LRIG1: variants seen among roughly 807,000 people sequenced by gnomAD.
LRIG1 encodes the protein leucine-rich repeats and immunoglobulin-like domains protein 1.
In LRIG1, 48 loss-of-function variants were observed where a neutral mutation model predicts 99.2. The observed-to-expected ratio is 0.48, with a 90% CI of 0.38 to 0.62. The LOEUF (loss-of-function observed/expected upper bound fraction) is 0.62. Among genes scored for constraint, LRIG1 ranks in the 20% least tolerant of loss-of-function variants. LRIG1 has a pLI of 0.00. For synonymous variants in LRIG1, 772 were observed against 596.1 expected (o/e 1.29, Z -4.30); for missense variants, 1,646 against 1,434.4 (o/e 1.15, Z -2.38).
intron 1 of LRIG1, among the ~76,000 whole-genome samples, chr3:66,496,869 T>C (rs957977698): frequency 6.6e-6 from 1 of 152,250 alleles, no homozygotes; most frequent in Non-Finnish European, 1.5e-5. Context: ...CACCTGGGCC[T>C]TCCAGCACAG....
At chr3:66,478,125 G>A (rs879807241) in intron 1 of LRIG1, among the ~76,000 whole-genome samples, 6 of 152,134 alleles carry the variant, frequency 3.9e-5, no homozygotes, top group African/African-American at 7.2e-5. Context: ...TCTCCACACC[G>A]TTTATTTGCC....
chr3:66,473,269 A>G (rs62243263), intron 1 of LRIG1, among the ~76,000 whole-genome samples: 4 of 152,258 alleles, frequency 2.6e-5, no homozygotes, highest in African/African-American at 4.8e-5. Context: ...GACAAATGAC[A>G]TAAGTGGGTG....
At chr3:66,395,713 T>TC (rs1054365244) in intron 11 of LRIG1, among the ~76,000 whole-genome samples, 1 of 152,214 alleles carries the variant, frequency 6.6e-6, no homozygotes, top group Admixed American at 6.5e-5. Flanking sequence ...GTAACGGCCA[T>TC]CCCTGAGGAA....
chr3:66,423,231 A>T (rs1460775614), intron 3 of LRIG1, among the ~76,000 whole-genome samples: 1 of 152,240 alleles, frequency 6.6e-6, no homozygotes, highest in Non-Finnish European at 1.5e-5. Flanking sequence ...TTTAAAAAAT[A>T]CTTCAGATGG....
At chr3:66,455,296 T>C (rs993222244) in intron 2 of LRIG1, among the ~76,000 whole-genome samples, 4 of 152,128 alleles carry the variant, frequency 2.6e-5, no homozygotes, top group African/African-American at 9.7e-5. Context: ...AAGCACAGAG[T>C]AAAGTTTTCA....
At chr3:66,435,634 C>T (rs1703329845) in intron 3 of LRIG1, among the ~76,000 whole-genome samples, 1 of 152,124 alleles carries the variant, frequency 6.6e-6, no homozygotes, top group South Asian at 2.1e-4. Context: ...ATGACTGTGG[C>T]CATAAAGGGG....
intron 7 of LRIG1, 103 bp from the exon 8 acceptor site, chr3:66,407,594 G>T (rs1702316848): frequency 1.5e-6 from 2 of 1,350,426 alleles, no homozygotes; most frequent in East Asian, 2.3e-5. Context: ...AGTGGGAAAT[G>T]ACACAGATGC....
At chr3:66,447,518 C>T (rs981112032) in intron 3 of LRIG1, among the ~76,000 whole-genome samples, 1 of 152,152 alleles carries the variant, frequency 6.6e-6, no homozygotes, top group African/African-American at 2.4e-5. Context: ...TTGTGTGCCC[C>T]TAAGTTTTGC....
At chr3:66,407,534 GC>G (rs759260808) in intron 7 of LRIG1, 43 bp from the exon 8 acceptor site, 2 of 1,604,876 alleles carry the variant, frequency 1.2e-6, no homozygotes, top group Non-Finnish European at 8.5e-7. Flanking sequence ...TAGTGTGGTT[GC>G]CCCCCAACCC....
chr3:66,449,821 A>G (rs576062261), intron 3 of LRIG1, among the ~76,000 whole-genome samples: 188 of 152,338 alleles, frequency 1.2e-3, no homozygotes, highest in African/African-American at 4.3e-3. Context: ...CTATGTGAGG[A>G]ACAAGAGCAG....
Position 66,417,190 on chromosome 3 carries a change from A to C in LRIG1, c.442T>G (p.Leu148Val). Reference protein sequence around the residue: ...YLSLEVLDLSLNNITEVRNTC... With the variant: ...YLSLEVLDLSVNNITEVRNTC... ...TTCCGCACTTCCGTGATGTTGTTCA[A>C]ACTCAGATCTAACACTTCTAAGGAA... Residue 148 changes from leucine to valine, a missense_variant, in exon 4 of 19, where the codon TTG (leucine) becomes GTG (valine). Coordinates refer to ENST00000273261, the MANE Select transcript of LRIG1 (RefSeq NM_015541.3). 1.2e-6 allele frequency: 2 copies of C among 1,614,190 alleles called. No homozygotes were observed. The highest frequency in any genetic ancestry group is 2.2e-5 in the South Asian group (2 of 91,086).
intron 2 of LRIG1, among the ~76,000 whole-genome samples, chr3:66,458,787 C>G (rs183902080): frequency 1.3e-5 from 2 of 151,944 alleles, no homozygotes; most frequent in African/African-American, 4.8e-5. Flanking sequence ...GAGGCCAAGG[C>G]GGGTGGATCA....
In LRIG1 at chr3:66,411,755, T is replaced by C. The variant is rs540304046; in HGVS notation, c.791+1116A>G. On this transcript the variant is annotated intron_variant, in intron 6 of 18. Transcript: ENST00000273261. Reference sequence around the variant, plus strand: ...AGACTGGAAGAAGAAGGGGCGGACATGAGCAAGTTAAATCATTGACTCTCA... The same window carrying C: ...AGACTGGAAGAAGAAGGGGCGGACACGAGCAAGTTAAATCATTGACTCTCA... 3.9e-4 allele frequency among the ~76,000 whole-genome samples: 59 copies of C among 152,244 alleles called. No homozygotes were observed. The South Asian group carries it at 4.1e-3, about 11-fold the overall frequency.
chr3:66,438,689 C>T (rs1306348032), intron 3 of LRIG1, among the ~76,000 whole-genome samples: 1 of 152,154 alleles, frequency 6.6e-6, no homozygotes, highest in South Asian at 2.1e-4. Context: ...GACAAGAGGA[C>T]GGTGAGAGGG....
intron 8 of LRIG1, chr3:66,405,774 G>A (rs1051858342): frequency 1.9e-5 from 23 of 1,183,240 alleles, no homozygotes; most frequent in East Asian, 6.7e-5. Flanking sequence ...TCTGGAGCCC[G>A]GAGCCCATCT....
chr3:66,429,240 C>T (rs914333208), intron 3 of LRIG1, among the ~76,000 whole-genome samples: 8 of 152,208 alleles, frequency 5.3e-5, no homozygotes, highest in African/African-American at 1.9e-4. Flanking sequence ...TCCCACCCAT[C>T]AACTTACACC....
In LRIG1 at chr3:66,453,840, T is replaced by C. The variant is rs1575703944; in HGVS notation, c.291-2207A>G. Among the ~76,000 whole-genome samples the C allele has an allele frequency of 2.0e-5, 3 of 152,358 alleles. No individual in the cohort carries two copies. In the East Asian group the frequency reaches 5.8e-4, roughly 29 times the overall value. ...TAAACCTGAAACAAAGCGTATGGAC[T>C]TCTCTGCAGGGGGCTACGCCTGATG... On this transcript the variant is annotated intron_variant, in intron 2 of 18. Transcript: ENST00000273261.
chr3:66,390,430 G>T, intron 12 of LRIG1, among the ~76,000 whole-genome samples: 1 of 152,168 alleles, frequency 6.6e-6, no homozygotes. Context: ...TGTGTACACT[G>T]AAAGTGACAA....
chr3:66,468,253 G>T (rs148452045), intron 1 of LRIG1, among the ~76,000 whole-genome samples: 1 of 152,102 alleles, frequency 6.6e-6, no homozygotes, highest in Non-Finnish European at 1.5e-5. Flanking sequence ...ACCCCACTTC[G>T]TTAGACAACA....
Sources: gnomAD v4.1 joint callset for allele counts (sites outside exome capture counted in the v4.1 genomes callset) on GRCh38, gnomAD v4.1.1 for gene constraint, MANE v1.5 for transcripts, NCBI Gene and HGNC (gene_info 2026-07-23, HGNC 2026-07-21) for gene names.